MRPS27: variants seen among roughly 807,000 people sequenced by gnomAD.
MRPS27 encodes small ribosomal subunit protein mS27.
MRPS27 carries 43 observed loss-of-function variants against 48.9 expected under a neutral mutation model. The ratio of observed to expected loss-of-function variants is 0.88; its 90% CI spans 0.69 to 1.13. MRPS27 has a LOEUF of 1.13. Among genes scored for constraint, MRPS27 ranks in the 50% most tolerant of loss-of-function variants. MRPS27 has a pLI of 0.00. For missense variants in MRPS27, 467 were observed against 476.3 expected, an observed-to-expected ratio of 0.98 and a Z score of 0.18; for synonymous variants, 188 against 171.9, an observed-to-expected ratio of 1.09 and a Z score of -0.73.
intron 3 of MRPS27, among the ~76,000 whole-genome samples, chr5:72,296,287 A>C (rs1749977853): frequency 6.6e-6 from 1 of 152,222 alleles, no homozygotes; most frequent in Non-Finnish European, 1.5e-5. Flanking sequence ...TGAAAACCTC[A>C]TAAAAGAAAG....
intron 4 of MRPS27, among the ~76,000 whole-genome samples, chr5:72,258,083 C>CAAAAAAAAAAAAAAAAAAAAAA (rs1030737219): frequency 1.6e-5 from 1 of 61,348 alleles, no homozygotes; most frequent in African/African-American, 5.8e-5. Flanking sequence ...GACTCTGTCT[C>CAAAAAAAAAAAAAAAAAAAAAA]AAAAAAAAAA....
chr5:72,282,107 AATCT>A (rs879317139), intron 4 of MRPS27, among the ~76,000 whole-genome samples: 7 of 152,224 alleles, frequency 4.6e-5, no homozygotes, highest in Admixed American at 4.6e-4. Flanking sequence ...CATACCTGGA[AATCT>A]ATCATGAAAA....
At chr5:72,244,370 A>G (rs1015276906) in intron 4 of MRPS27, among the ~76,000 whole-genome samples, 2 of 152,196 alleles carry the variant, frequency 1.3e-5, no homozygotes, top group African/African-American at 4.8e-5. Flanking sequence ...AGGGCTTAAA[A>G]AAGAGGCCCT....
chr5:72,247,383 A>G (rs569748262), intron 4 of MRPS27, among the ~76,000 whole-genome samples: 36 of 152,336 alleles, frequency 2.4e-4, no homozygotes, highest in African/African-American at 8.2e-4. Flanking sequence ...AACCAGAAAA[A>G]TGGCAGTGAT....
chr5:72,317,792 A>G (rs1415451466), intron 1 of MRPS27, among the ~76,000 whole-genome samples: 4 of 152,178 alleles, frequency 2.6e-5, no homozygotes, highest in South Asian at 2.1e-4. Flanking sequence ...GGTTCAAGCA[A>G]TTCTCCTGCC....
intron 4 of MRPS27, among the ~76,000 whole-genome samples, chr5:72,254,046 G>A (rs949249404): frequency 2.0e-5 from 3 of 152,126 alleles, no homozygotes; most frequent in Non-Finnish European, 2.9e-5. Flanking sequence ...CCCAAGTAGC[G>A]AGGACTACAG....
At chr5:72,253,245 ATTTT>A in intron 4 of MRPS27, among the ~76,000 whole-genome samples, 1 of 152,072 alleles carries the variant, frequency 6.6e-6, no homozygotes, top group South Asian at 2.1e-4. Context: ...CCAGTCTCTT[ATTTT>A]GTCAATTTTT....
intron 5 of MRPS27, among the ~76,000 whole-genome samples, chr5:72,236,832 T>C (rs1748209108): frequency 6.6e-6 from 1 of 152,162 alleles, no homozygotes. Flanking sequence ...TCTTAAATGG[T>C]ACCTCATGTC....
rs192792295 is a variant in MRPS27, at chr5:72,237,690, C to T, written c.396+324G>A. Among the ~76,000 whole-genome samples the T allele has an allele frequency of 3.7e-3, 567 of 152,064 alleles. 1 individual carries two copies. Among genetic ancestry groups the T allele is most frequent in the African/African-American group, 0.013 (551 of 41,460 alleles). On this transcript the variant is annotated intron_variant, in intron 5 of 10. Transcript: ENST00000261413. Reference sequence around the variant, plus strand: ...CAGGAGCAACATGGTCATGTTTTTCCCCTATACTTCACCAGAAGGAAACAG... The same window carrying T: ...CAGGAGCAACATGGTCATGTTTTTCTCCTATACTTCACCAGAAGGAAACAG...
At chr5:72,308,022 G>C (rs1037267110) in intron 2 of MRPS27, 6 of 152,352 alleles carry the variant, frequency 3.9e-5, no homozygotes, top group African/African-American at 1.4e-4. Flanking sequence ...GGTGGAACTG[G>C]CAGCGGCCCT....
intron 4 of MRPS27, among the ~76,000 whole-genome samples, chr5:72,292,212 T>TTG (rs1484899958): frequency 2.5e-3 from 372 of 150,086 alleles, no homozygotes; most frequent in African/African-American, 8.8e-3. Context: ...AGTTTTTTTT[T>TTG]TTTTTTTTTT....
At chr5:72,254,119 ATCT>A (rs1303699645) in intron 4 of MRPS27, among the ~76,000 whole-genome samples, 5 of 152,174 alleles carry the variant, frequency 3.3e-5, no homozygotes, top group Non-Finnish European at 1.5e-5. Context: ...TACTCATAAA[ATCT>A]TCTTTGCTCT....
intron 7 of MRPS27, 28 bp from the exon 8 acceptor site, chr5:72,228,396 C>T (rs1240280506): frequency 6.6e-7 from 1 of 1,507,478 alleles, no homozygotes; most frequent in Non-Finnish European, 9.1e-7. Flanking sequence ...GGATCATGAT[C>T]CATCTAAGCA....
intron 4 of MRPS27, among the ~76,000 whole-genome samples, chr5:72,283,325 C>T (rs751565237): frequency 6.6e-6 from 1 of 152,066 alleles, no homozygotes; most frequent in Non-Finnish European, 1.5e-5. Context: ...CTATGTCACA[C>T]TGTTAGGAGG....
rs1747726225 is a variant in MRPS27, at chr5:72,221,031, AG to A, written c.1122del (p.Tyr375MetfsTer10). 6.2e-7 allele frequency: 1 copy of A among 1,614,166 alleles called. No homozygotes were observed. Among genetic ancestry groups the A allele is most frequent in the Non-Finnish European group, 8.5e-7 (1 of 1,180,024 alleles). Reference protein sequence around the residue: ...LSTCEAEDIATYEQNLQQWHL... With the variant: ...LSTCEAEDIAXYEQNLQQWHL... ...TGCCACTGCTGCAGATTCTGCTCAT[AG>A]GTGGCGATGTCCTCTGCTTCACAGG... On this transcript the variant is annotated frameshift_variant, in exon 11 of 11. Coordinates refer to ENST00000261413, the MANE Select transcript of MRPS27 (RefSeq NM_015084.3). LOFTEE classifies it low-confidence loss of function (END_TRUNC).
intron 1 of MRPS27, among the ~76,000 whole-genome samples, chr5:72,318,027 GCAAA>G (rs1257697683): frequency 2.0e-5 from 3 of 152,218 alleles, no homozygotes; most frequent in East Asian, 3.9e-4. Flanking sequence ...TAGCTGATGG[GCAAA>G]CAAACAAAAC....
At chr5:72,319,181 C>T (rs1750664926) in intron 1 of MRPS27, among the ~76,000 whole-genome samples, 1 of 152,224 alleles carries the variant, frequency 6.6e-6, no homozygotes, top group South Asian at 2.1e-4. Context: ...GTTAGAATCA[C>T]TGCAAATTTG....
intron 7 of MRPS27, chr5:72,229,330 G>GT (rs1451591451): frequency 6.6e-6 from 1 of 151,568 alleles, no homozygotes; most frequent in African/African-American, 2.4e-5. Context: ...CCTCTTTACT[G>GT]TAAGTAGGCT....
chr5:72,261,882 C>T (rs1313057360), intron 4 of MRPS27, among the ~76,000 whole-genome samples: 4 of 152,128 alleles, frequency 2.6e-5, no homozygotes, highest in African/African-American at 7.2e-5. Context: ...TGCCACATTG[C>T]TATATTGAGC....
Sources: gnomAD v4.1 joint callset for allele counts (sites outside exome capture counted in the v4.1 genomes callset) on GRCh38, gnomAD v4.1.1 for gene constraint, MANE v1.5 for transcripts, NCBI Gene and HGNC (gene_info 2026-07-23, HGNC 2026-07-21) for gene names.